Variants in FYCO1 observed in about 807,000 individuals in gnomAD.
FYCO1 encodes the protein FYVE and coiled-coil domain autophagy adaptor 1.
A neutral mutation model predicts 165.1 loss-of-function variants in FYCO1; 122 were observed. The observed-to-expected ratio is 0.74, with a 90% CI of 0.64 to 0.86. The LOEUF (loss-of-function observed/expected upper bound fraction) is 0.86, where lower values mean the gene tolerates loss of function less well. Among genes scored for constraint, FYCO1 ranks in the 40% least tolerant of loss-of-function variants. The pLI is 0.00. For missense variants in FYCO1, 1,702 were observed against 1,810.3 expected, an observed-to-expected ratio of 0.94 and a Z score of 1.09; for synonymous variants, 648 against 742.5, an observed-to-expected ratio of 0.87 and a Z score of 2.07.
intron 2 of FYCO1, among the ~76,000 whole-genome samples, chr3:45,984,405 TG>T (rs1338310781): frequency 1.3e-5 from 2 of 152,182 alleles, no homozygotes; most frequent in African/African-American, 4.8e-5. Flanking sequence ...TCCCAGGCAA[TG>T]GGCCATCCGC....
chr3:45,933,058 T>A (rs149981401), intron 15 of FYCO1, among the ~76,000 whole-genome samples: 1 of 152,344 alleles, frequency 6.6e-6, no homozygotes, highest in East Asian at 1.9e-4. Flanking sequence ...AGTCTAGACA[T>A]CATCTAGACA....
Position 45,936,428 on chromosome 3 carries a change from AGGCAGCAGTTGCC to A in FYCO1, c.4040+7_4040+19del. On this transcript the variant is annotated splice_region_variant and intron_variant, in intron 15 of 17. Coordinates refer to ENST00000296137, the MANE Select transcript of FYCO1 (RefSeq NM_024513.4). ...CCAATGCCACACCTGGGGAGGGCCC[AGGCAGCAGTTGCC>A]ACTTACATCAGTTCTCCAGACTTCA... 4 of 1,579,418 alleles carry A rather than the reference AGGCAGCAGTTGCC, an allele frequency of 2.5e-6. No homozygotes were observed. Among genetic ancestry groups the A allele is most frequent in the Non-Finnish European group, 3.5e-6 (4 of 1,148,478 alleles).
At position 45,967,671 on chromosome 3, in the gene FYCO1, G is replaced by A. The variant is rs557259410; in HGVS notation, c.1663C>T (p.Arg555Trp). The change falls in exon 8 of 18, where the codon CGG (arginine) becomes TGG (tryptophan). Residue 555 changes from arginine (R) to tryptophan (W), a missense_variant. Arg to Trp is a moderately radical substitution (Grantham distance 101, BLOSUM62 -3). Transcript: ENST00000296137. ...HLSQQVGMLERLAGPPGPELP... is the reference protein window; with the variant it reads ...HLSQQVGMLEWLAGPPGPELP... Reference sequence around the variant, plus strand: ...TCTGGGCCAGGCGGCCCAGCAAGCCGCTCGAGCATACCCACCTGCTGGCTG... The same window carrying A: ...TCTGGGCCAGGCGGCCCAGCAAGCCACTCGAGCATACCCACCTGCTGGCTG... 1.1e-5 allele frequency: 17 copies of A among 1,613,842 alleles called. No individual in the cohort carries two copies. Among genetic ancestry groups the A allele is most frequent in the South Asian group, 3.3e-5 (3 of 91,090 alleles).
intron 2 of FYCO1, among the ~76,000 whole-genome samples, chr3:45,982,507 A>G (rs1707108284): frequency 6.6e-6 from 1 of 151,846 alleles, no homozygotes; most frequent in Non-Finnish European, 1.5e-5. Context: ...AAGATAATTC[A>G]CCTCCCTGTG....
rs1205703512 is a variant in FYCO1 at position 45,962,411 on chromosome 3, G to C, written c.3270-19C>G. 6.2e-7 allele frequency: 1 copy of C among 1,613,478 alleles called. No individual in the cohort carries two copies. Among genetic ancestry groups the C allele is most frequent in the East Asian group, 2.2e-5 (1 of 44,884 alleles). On this transcript the variant is annotated intron_variant, in intron 10 of 17. Transcript: ENST00000296137. The surrounding 1 kb of genome is among the most constrained non-coding windows in gnomAD (Gnocchi z 4.4). ...CTGGGTCCTGGGGGAGGAGTGGTAA[G>C]TTTTCTTGATTAGCCAGGACTTCCA...
At chr3:45,942,207 G>T (rs1210667237) in intron 14 of FYCO1, among the ~76,000 whole-genome samples, 1 of 152,230 alleles carries the variant, frequency 6.6e-6, no homozygotes, top group Admixed American at 6.5e-5. Flanking sequence ...GGAAGCACTG[G>T]CTTTGCAGCC....
intron 14 of FYCO1, among the ~76,000 whole-genome samples, chr3:45,954,952 G>A (rs1705226523): frequency 6.6e-6 from 1 of 152,218 alleles, no homozygotes; most frequent in African/African-American, 2.4e-5. Flanking sequence ...CACCCGGTCT[G>A]CGGTATTTTA....
chr3:45,962,463 A>C lies in FYCO1; in HGVS notation c.3270-71T>G. 7.0e-7 allele frequency: 1 copy of C among 1,431,372 alleles called. No homozygotes were observed. The highest frequency in any genetic ancestry group is 1.1e-5 in the South Asian group (1 of 87,156). The allele number at this position is 1,431,372 out of a possible 1,614,324, so 88.7% of individuals were successfully genotyped here. ...CTTTCCCAGGGCTCTAAGCTCACCC[A>C]GGACTCTAATGAGGGGTGCTACTGC... On this transcript the variant is annotated intron_variant, in intron 10 of 17. Transcript: ENST00000296137. This position sits in a 1 kb window ranked among gnomAD's most constrained non-coding sequence, Gnocchi z 4.4.
intron 13 of FYCO1, 36 bp downstream of exon 13, chr3:45,958,372 A>G: frequency 1.9e-6 from 3 of 1,583,324 alleles, no homozygotes; most frequent in Non-Finnish European, 2.6e-6. Context: ...AGTGGCACCT[A>G]GAGAACATAG....
At chr3:45,924,155 T>C (rs528475671) in intron 16 of FYCO1, among the ~76,000 whole-genome samples, 64 of 152,166 alleles carry the variant, frequency 4.2e-4, no homozygotes, top group Non-Finnish European at 8.7e-4. Context: ...TGCCCTTGGG[T>C]CTCGCAGGAC....
intron 13 of FYCO1, among the ~76,000 whole-genome samples, chr3:45,956,300 C>T (rs1327352304): frequency 3.9e-5 from 6 of 151,960 alleles, no homozygotes; most frequent in African/African-American, 1.5e-4. Context: ...CGTACCACTG[C>T]ACTCCAGCCT....
chr3:45,953,136 T>C lies in FYCO1; in HGVS notation c.3944+2113A>G, dbSNP rs541386133. 2.0e-5 allele frequency among the ~76,000 whole-genome samples: 3 copies of C among 152,326 alleles called. No homozygotes were observed. The South Asian group carries it at 6.2e-4, about 32-fold the overall frequency. On this transcript the variant is annotated intron_variant, in intron 14 of 17. Transcript: ENST00000296137. ...GGGAACAGAGGGTTGTGGAGATACA[T>C]GTAAGCCCGAAGTCCCTTACAATGG...
At chr3:45,928,529 T>A (rs1703430340) in intron 16 of FYCO1, among the ~76,000 whole-genome samples, 1 of 152,154 alleles carries the variant, frequency 6.6e-6, no homozygotes, top group Admixed American at 6.5e-5. Context: ...AGGAAGTGGG[T>A]CTGGAGAGAG....
At chr3:45,951,487 G>A (rs1705024144) in intron 14 of FYCO1, among the ~76,000 whole-genome samples, 1 of 152,190 alleles carries the variant, frequency 6.6e-6, no homozygotes, top group African/African-American at 2.4e-5. Context: ...GGCCATGACT[G>A]GGTAGAGGCT....
intron 1 of FYCO1, among the ~76,000 whole-genome samples, 165 bp from the exon 2 acceptor site, chr3:45,985,187 G>A (rs2125874756): frequency 6.6e-6 from 1 of 152,282 alleles, no homozygotes; most frequent in South Asian, 2.1e-4. Flanking sequence ...GGCACTCTCT[G>A]GTTTGTTTCT....
chr3:45,965,009 C>G, intron 9 of FYCO1, 24 bp downstream of exon 9: 1 of 1,589,738 alleles, frequency 6.3e-7, no homozygotes. Flanking sequence ...CTCTCCCTGA[C>G]AGGTCTACAC....
At chr3:45,953,135 A>T (rs1161518840) in intron 14 of FYCO1, among the ~76,000 whole-genome samples, 2 of 152,236 alleles carry the variant, frequency 1.3e-5, no homozygotes, top group Non-Finnish European at 2.9e-5. Context: ...GTGGAGATAC[A>T]TGTAAGCCCG....
chr3:45,965,069 C>G lies in FYCO1; in HGVS notation c.3114G>C (p.Gln1038His). The G allele has an allele frequency of 6.2e-7, 1 of 1,614,196 alleles. No homozygotes were observed. The highest frequency in any genetic ancestry group is 8.5e-7 in the Non-Finnish European group (1 of 1,180,026). Reference protein sequence around the residue: ...LRGQLEEQGRQLQAAEEAVEK... With the variant: ...LRGQLEEQGRHLQAAEEAVEK... ...CCACAGCTTCCTCAGCAGCCTGCAG[C>G]TGCCGGCCTTGCTCCTCAAGCTGGC... The change falls in exon 9 of 18, where the codon CAG becomes CAC. Residue 1038 changes from glutamine (Q) to histidine (H), a missense_variant. Gln to His is a conservative substitution (Grantham distance 24). Transcript: ENST00000296137.
At chr3:45,925,409 G>T (rs745666305) in intron 16 of FYCO1, among the ~76,000 whole-genome samples, 2 of 152,104 alleles carry the variant, frequency 1.3e-5, no homozygotes, top group Admixed American at 6.5e-5. Flanking sequence ...AACTTCCCCA[G>T]AAGTGACCAT....
Sources: allele counts gnomAD v4.1 joint callset (sites outside exome capture counted in the v4.1 genomes callset), GRCh38; gene constraint gnomAD v4.1.1; non-coding constraint Gnocchi (gnomAD v3.1); transcripts MANE v1.5; gene names NCBI Gene and HGNC (gene_info 2026-07-23, HGNC 2026-07-21).